KLHL5: variants seen among roughly 807,000 people sequenced by gnomAD.
KLHL5 encodes kelch-like protein 5.
KLHL5 carries 48 observed loss-of-function variants against 77.7 expected under a neutral mutation model. The observed-to-expected ratio is 0.62, with a 90% CI of 0.49 to 0.79. The LOEUF (loss-of-function observed/expected upper bound fraction) is 0.79. KLHL5 is among the 30% of genes least tolerant of loss of function. KLHL5 has a pLI of 0.00. For synonymous variants in KLHL5, 260 were observed against 297.0 expected (o/e 0.88, Z 1.28); for missense variants, 723 against 859.7 (o/e 0.84, Z 1.99).
chr4:39,073,434 A>G (rs1330443216), intron 1 of KLHL5, among the ~76,000 whole-genome samples: 1 of 152,232 alleles, frequency 6.6e-6, no homozygotes, highest in African/African-American at 2.4e-5. Context: ...GTAGTTTGAT[A>G]TGAAGTACAA....
intron 2 of KLHL5, among the ~76,000 whole-genome samples, chr4:39,076,464 G>A (rs1367413177): frequency 6.6e-6 from 1 of 152,068 alleles, no homozygotes; most frequent in African/African-American, 2.4e-5. Context: ...AAACTCAGTG[G>A]CAATTAAAGT....
intron 1 of KLHL5, among the ~76,000 whole-genome samples, chr4:39,074,231 C>A (rs1322364326): frequency 6.6e-6 from 1 of 152,122 alleles, no homozygotes; most frequent in African/African-American, 2.4e-5. Flanking sequence ...GACAATTATC[C>A]TCCAAGGGCA....
Position 39,103,359 on chromosome 4 carries a change from G to C in KLHL5, c.1373G>C (p.Arg458Thr), listed in dbSNP as rs374197598. 6.2e-7 allele frequency: 1 copy of C among 1,613,984 alleles called. No individual in the cohort carries two copies. Among genetic ancestry groups the C allele is most frequent in the Non-Finnish European group, 8.5e-7 (1 of 1,180,014 alleles). The change falls in exon 7 of 11, where the codon AGG becomes ACG. Residue 458 changes from arginine to threonine, a missense_variant. By Grantham distance (71) the Arg-to-Thr change is moderately conservative. Around this residue, in one of 3 missense-constraint regions of KLHL5, gnomAD observed 288 missense variants for 400.3 expected, o/e 0.72. Transcript: ENST00000504108. The part of the protein sequence containing the change: ...WTPVANMNGR[R>T]LQFGVAVLDD... Reference sequence around the variant, plus strand: ...CCAGTAGCAAATATGAATGGGAGGAGGCTACAGTTCGGTGTTGCAGTGCTA... The same window carrying C: ...CCAGTAGCAAATATGAATGGGAGGACGCTACAGTTCGGTGTTGCAGTGCTA...
At chr4:39,114,345 A>G (rs1460142496) in intron 9 of KLHL5, among the ~76,000 whole-genome samples, 2 of 152,366 alleles carry the variant, frequency 1.3e-5, no homozygotes, top group African/African-American at 4.8e-5. Context: ...CTGCTCTCAC[A>G]GGAACTAATG....
chr4:39,069,944 C>T (rs1218465290), intron 1 of KLHL5, among the ~76,000 whole-genome samples: 2 of 152,116 alleles, frequency 1.3e-5, no homozygotes, highest in African/African-American at 4.8e-5. Flanking sequence ...ATCTGTTTTT[C>T]TCCATTTCTA....
upstream of KLHL5, among the ~76,000 whole-genome samples, chr4:39,059,919 G>A (rs1000856173): frequency 6.6e-6 from 1 of 151,866 alleles, no homozygotes; most frequent in African/African-American, 2.4e-5. Context: ...AAAATAAAAT[G>A]CACATACCTT....
intron 5 of KLHL5, among the ~76,000 whole-genome samples, chr4:39,092,800 T>C (rs1660028443): frequency 6.6e-6 from 1 of 152,026 alleles, no homozygotes; most frequent in African/African-American, 2.4e-5. Flanking sequence ...ACTAGGAAAA[T>C]GCAAAATAAA....
At chr4:39,084,808 T>C (rs1719903389) in intron 4 of KLHL5, among the ~76,000 whole-genome samples, 1 of 152,208 alleles carries the variant, frequency 6.6e-6, no homozygotes, top group Admixed American at 6.5e-5. Context: ...TGGAAATATA[T>C]ATTATTATTT....
intron 7 of KLHL5, among the ~76,000 whole-genome samples, chr4:39,106,828 T>C (rs1722070908): frequency 6.6e-6 from 1 of 151,986 alleles, no homozygotes; most frequent in African/African-American, 2.4e-5. Context: ...CATAGCTCAA[T>C]GCAACCTGAA....
the KLHL5 span, among the ~76,000 whole-genome samples, chr4:39,133,602 A>AT: frequency 1.3e-5 from 2 of 151,752 alleles, no homozygotes; most frequent in Non-Finnish European, 2.9e-5. Flanking sequence ...ATTAAAAAAA[A>AT]ATTTTTTATC....
chr4:39,051,596 C>T (rs2109248652), intron 1 of KLHL5, among the ~76,000 whole-genome samples: 1 of 152,320 alleles, frequency 6.6e-6, no homozygotes, highest in South Asian at 2.1e-4. Flanking sequence ...TGTTCCTCCT[C>T]AGTGGGAGTG....
downstream of KLHL5, among the ~76,000 whole-genome samples, chr4:39,128,152 A>G (rs1234028065): frequency 2.6e-5 from 4 of 152,192 alleles, no homozygotes; most frequent in Non-Finnish European, 5.9e-5. Context: ...ATATGGCGGT[A>G]TATTTTTGTA....
At chr4:39,139,118 C>A in the KLHL5 span, among the ~76,000 whole-genome samples, 13 of 151,972 alleles carry the variant, frequency 8.6e-5, no homozygotes, top group Non-Finnish European at 1.5e-4. Context: ...CCCCTCTCTA[C>A]TAAAAATACA....
chr4:39,075,807 A>AT, intron 1 of KLHL5, among the ~76,000 whole-genome samples, 158 bp from the exon 2 acceptor site: 1 of 152,254 alleles, frequency 6.6e-6, no homozygotes, highest in Non-Finnish European at 1.5e-5. Context: ...GGCATCATTG[A>AT]TTTTTAAGAG....
rs781627359 is a variant in KLHL5 at position 39,121,119 on chromosome 4, A to G, written c.*53A>G. ...CACCGTCTTCCTTTATTAATTTAGT[A>G]TAATTATTCTATCAATGGATACATT... On this transcript the variant is annotated 3_prime_UTR_variant, in exon 11 of 11. Coordinates refer to ENST00000504108, the MANE Select transcript of KLHL5 (RefSeq NM_015990.5). 13 of 1,307,714 alleles carry G rather than the reference A, an allele frequency of 9.9e-6. No homozygotes were observed. The highest frequency in any genetic ancestry group is 1.3e-5 in the Non-Finnish European group (12 of 902,996). The allele number at this position is 1,307,714 out of a possible 1,614,324, so 81.0% of individuals were successfully genotyped here.
At chr4:39,077,133 AAAG>A (rs1315678064) in intron 2 of KLHL5, among the ~76,000 whole-genome samples, 1 of 151,972 alleles carries the variant, frequency 6.6e-6, no homozygotes, top group Non-Finnish European at 1.5e-5. Context: ...ATAGTTCTCA[AAAG>A]AAGATCTACA....
At chr4:39,079,778 C>A (rs1719439500) in intron 2 of KLHL5, among the ~76,000 whole-genome samples, 1 of 152,114 alleles carries the variant, frequency 6.6e-6, no homozygotes, top group South Asian at 2.1e-4. Context: ...TCTCAAGTAT[C>A]TAGAACAGTA....
chr4:39,085,162 A>C (rs1577688595), intron 4 of KLHL5, among the ~76,000 whole-genome samples: 1 of 152,152 alleles, frequency 6.6e-6, no homozygotes, highest in East Asian at 1.9e-4. Flanking sequence ...CTAGCACTGA[A>C]GTTTTATTAA....
At chr4:39,115,435 A>G (rs1320509422) in intron 10 of KLHL5, 105 bp downstream of exon 10, 1 of 1,554,418 alleles carries the variant, frequency 6.4e-7, no homozygotes, top group Admixed American at 2.0e-5. Flanking sequence ...AATATATGGC[A>G]TAAATATGAC....
Sources: allele counts gnomAD v4.1 joint callset (sites outside exome capture counted in the v4.1 genomes callset), GRCh38; gene constraint gnomAD v4.1.1; regional missense constraint gnomAD v4.1.1; transcripts MANE v1.5; gene names NCBI Gene and HGNC (gene_info 2026-07-23, HGNC 2026-07-21).